The following COBL variants were observed in gnomAD, a reference collection of about 807,000 sequenced individuals.
COBL encodes the protein protein cordon-bleu.
Under a neutral mutation model 98.8 loss-of-function variants are expected in COBL, and 51 were observed. The observed-to-expected ratio is 0.52, with a 90% CI of 0.41 to 0.65. COBL has a LOEUF of 0.65. Ranked by LOEUF, COBL falls within the 30% of genes least tolerant of loss-of-function variation. COBL has a pLI of 0.00. For missense variants in COBL, 1,617 were observed against 1,617.5 expected, an observed-to-expected ratio of 1.00 and a Z score of 0.01; for synonymous variants, 634 against 651.7, an observed-to-expected ratio of 0.97 and a Z score of 0.41.
intron 1 of COBL, among the ~76,000 whole-genome samples, chr7:51,302,270 T>C (rs968613331): frequency 1.3e-5 from 2 of 152,188 alleles, no homozygotes; most frequent in South Asian, 4.1e-4. Context: ...ATAAGACCAT[T>C]AATTTTTTTC....
Position 51,016,587 on chromosome 7 carries a change from G to C in COBL, c.*964C>G, listed in dbSNP as rs746014278. The stretch of plus-strand genomic sequence containing the variant: ...ATCATACAAAGGGAGCCAATGAGCT[G>C]TTGGACAAACGCGTCAAGGCTGAAC... On this transcript the variant is annotated 3_prime_UTR_variant, in exon 13 of 13. Transcript: ENST00000265136. 4.9e-6 allele frequency: 1 copy of C among 205,358 alleles called. No individual in the cohort carries two copies. Among genetic ancestry groups the C allele is most frequent in the Non-Finnish European group, 9.7e-6 (1 of 103,292 alleles). The allele number at this position is 205,358 out of a possible 1,614,324, so 12.7% of individuals were successfully genotyped here.
At chr7:51,052,167 T>A (rs1790313215) in intron 7 of COBL, among the ~76,000 whole-genome samples, 1 of 152,226 alleles carries the variant, frequency 6.6e-6, no homozygotes, top group African/African-American at 2.4e-5. Flanking sequence ...TTATTCCTAT[T>A]TTGCAAATTA....
intron 2 of COBL, among the ~76,000 whole-genome samples, chr7:51,198,853 A>G (rs902742740): frequency 6.6e-6 from 1 of 152,230 alleles, no homozygotes; most frequent in Non-Finnish European, 1.5e-5. Flanking sequence ...TTCCTTTGTA[A>G]GAGCTTTGGG....
intron 11 of COBL, 137 bp downstream of exon 11, chr7:51,026,409 G>T: frequency 3.3e-6 from 4 of 1,198,346 alleles, no homozygotes; most frequent in Non-Finnish European, 4.6e-6. Flanking sequence ...CACAGGCTGG[G>T]ATGGCCACTC....
chr7:51,187,331 T>TATACACAC (rs1554421096), intron 4 of COBL, among the ~76,000 whole-genome samples: 3 of 101,454 alleles, frequency 3.0e-5, no homozygotes, highest in South Asian at 5.9e-4. Flanking sequence ...TATATATATA[T>TATACACAC]ACACACACAC....
At chr7:51,274,880 T>C (rs1799144211) in intron 1 of COBL, among the ~76,000 whole-genome samples, 1 of 152,252 alleles carries the variant, frequency 6.6e-6, no homozygotes, top group South Asian at 2.1e-4. Flanking sequence ...TCTGAGATAC[T>C]TTCAGTAAAA....
At chr7:51,268,982 A>G (rs978510013) in intron 1 of COBL, among the ~76,000 whole-genome samples, 5 of 150,626 alleles carry the variant, frequency 3.3e-5, no homozygotes, top group Non-Finnish European at 7.4e-5. Context: ...ACACAGCTGG[A>G]GCTGGAGCAG....
At chr7:51,082,345 C>A (rs948477882) in intron 7 of COBL, among the ~76,000 whole-genome samples, 2 of 152,096 alleles carry the variant, frequency 1.3e-5, no homozygotes, top group Admixed American at 1.3e-4. Context: ...CAAGCGCAGG[C>A]CCGACGTGCC....
chr7:51,191,157 T>A (rs990931429), intron 3 of COBL, 79 bp from the exon 4 acceptor site: 9 of 1,285,596 alleles, frequency 7.0e-6, no homozygotes, highest in Non-Finnish European at 9.9e-6. Flanking sequence ...ATTTGACAAT[T>A]GGGTGTGGCA....
intron 7 of COBL, chr7:51,064,507 A>T (rs1791701723): frequency 6.6e-6 from 1 of 152,290 alleles, no homozygotes; most frequent in African/African-American, 2.4e-5. Flanking sequence ...TATACTTGAA[A>T]GATATTTAGC....
At chr7:51,308,421 C>A (rs1056365015) in intron 1 of COBL, among the ~76,000 whole-genome samples, 1 of 152,050 alleles carries the variant, frequency 6.6e-6, no homozygotes, top group African/African-American at 2.4e-5. Context: ...GACAGACAGA[C>A]ACACACTCAC....
chr7:51,108,651 C>T (rs1486049171), intron 6 of COBL, among the ~76,000 whole-genome samples: 1 of 152,150 alleles, frequency 6.6e-6, no homozygotes, highest in Non-Finnish European at 1.5e-5. Context: ...ACTCCACCTT[C>T]GTTCCCTTCC....
In COBL at chr7:51,190,866, C is replaced by T. The variant is rs775695397; in HGVS notation, c.669G>A (p.Ala223=). 6.8e-6 allele frequency: 11 copies of T among 1,613,946 alleles called. No individual in the cohort carries two copies. Among genetic ancestry groups the T allele is most frequent in the East Asian group, 2.2e-5 (1 of 44,866 alleles). Residue 223 remains alanine, a synonymous_variant, in exon 4 of 13, where the codon GCG becomes GCA. Transcript: ENST00000265136. ...GGGCCTCACCTCTTCTGTTGTCCCA[C>T]GCGTAGAGCTCCTTTATCCCGAGCT... The part of the protein sequence containing the change: ...LNELGIKELY[A]WDNRRETFRK...
chr7:51,085,798 T>C (rs980972159), intron 6 of COBL, among the ~76,000 whole-genome samples: 1 of 152,204 alleles, frequency 6.6e-6, no homozygotes, highest in Non-Finnish European at 1.5e-5. Flanking sequence ...CATGTTCACG[T>C]TCCAGAGCAG....
chr7:51,044,030 G>A (rs143135919), intron 7 of COBL, among the ~76,000 whole-genome samples: 111 of 152,264 alleles, frequency 7.3e-4, no homozygotes, highest in African/African-American at 2.4e-3. Flanking sequence ...GCTGGCCTTT[G>A]GCTTAATGGA....
intron 4 of COBL, among the ~76,000 whole-genome samples, chr7:51,187,310 G>GTATATATATATATATATA (rs67807746): frequency 3.6e-5 from 5 of 138,422 alleles, no homozygotes; most frequent in Admixed American, 7.4e-5. Flanking sequence ...ATATGTTTAA[G>GTATATATATATATATATA]TATATATATA....
intron 1 of COBL, among the ~76,000 whole-genome samples, chr7:51,283,597 G>C (rs530859829): frequency 1.3e-5 from 2 of 152,226 alleles, no homozygotes; most frequent in South Asian, 4.2e-4. Context: ...CAATTCTCCT[G>C]CCTCAGCCTC....
intron 1 of COBL, among the ~76,000 whole-genome samples, chr7:51,231,286 C>A (rs1210574494): frequency 1.3e-5 from 2 of 152,228 alleles, no homozygotes; most frequent in South Asian, 2.1e-4. Context: ...CAGTGTGCTT[C>A]CCTTCCCCCT....
At chr7:51,253,643 A>G (rs1054106629) in intron 1 of COBL, among the ~76,000 whole-genome samples, 1 of 152,252 alleles carries the variant, frequency 6.6e-6, no homozygotes, top group African/African-American at 2.4e-5. Context: ...CATTCCCAAT[A>G]ACATCATTGT....
Sources: gnomAD v4.1 joint callset for allele counts (sites outside exome capture counted in the v4.1 genomes callset) on GRCh38, gnomAD v4.1.1 for gene constraint, MANE v1.5 for transcripts, NCBI Gene and HGNC (gene_info 2026-07-23, HGNC 2026-07-21) for gene names.